The following C20orf203 variants were observed in gnomAD, a reference collection of about 807,000 sequenced individuals.
C20orf203 encodes the protein chromosome 20 open reading frame 203, also known as uncharacterized protein C20orf203.
Under a neutral mutation model 15.9 loss-of-function variants are expected in C20orf203, and 16 were observed. The observed-to-expected ratio is 1.01, with a 90% CI of 0.68 to 1.53. C20orf203 has a LOEUF of 1.53. Among genes scored for constraint, C20orf203 ranks in the 40% most tolerant of loss-of-function variants. The probability of loss-of-function intolerance (pLI) is 0.00; values close to 1 mark genes in which losing one functional copy is unlikely to be tolerated. For synonymous variants in C20orf203, 98 were observed against 97.2 expected, an observed-to-expected ratio of 1.01 and a Z score of -0.05; for missense variants, 263 against 247.5, an observed-to-expected ratio of 1.06 and a Z score of -0.42.
intron 4 of C20orf203, among the ~76,000 whole-genome samples, chr20:32,642,470 G>A (rs990549256): frequency 3.3e-4 from 50 of 152,254 alleles, no homozygotes; most frequent in African/African-American, 1.1e-3. Flanking sequence ...AGAAACTGCT[G>A]AGGCCCAGCT....
chr20:32,661,519 G>A (rs183531115), intron 1 of C20orf203, among the ~76,000 whole-genome samples: 114 of 152,238 alleles, frequency 7.5e-4, no homozygotes, highest in Non-Finnish European at 3.7e-4. Context: ...CCTGAACCCT[G>A]AACACAAGGC....
intron 1 of C20orf203, among the ~76,000 whole-genome samples, chr20:32,665,023 C>T (rs895603814): frequency 6.6e-6 from 1 of 152,262 alleles, no homozygotes; most frequent in Admixed American, 6.5e-5. Context: ...CCCAGGACCC[C>T]GCCCTTGGTG....
chr20:32,671,362 A>C (rs763647080), intron 1 of C20orf203, among the ~76,000 whole-genome samples: 24 of 152,230 alleles, frequency 1.6e-4, no homozygotes, highest in Non-Finnish European at 2.2e-4. Flanking sequence ...CAAAATAAAG[A>C]AAGCCTGTCA....
In C20orf203 at chr20:32,651,001, G is replaced by A. The variant is rs998832321; in HGVS notation, c.135+17C>T. On this transcript the variant is annotated intron_variant, in intron 3 of 5. Transcript: ENST00000608990. ...AGTGTCAGCCCAGGTGTGGGAGACA[G>A]GGACAGCACTTCTTACCCGGCTCAG... 15 of 1,468,840 alleles carry A rather than the reference G, an allele frequency of 1.0e-5. No homozygotes were observed. The highest frequency in any genetic ancestry group is 1.4e-5 in the Non-Finnish European group (15 of 1,105,210). 91.0% of individuals were successfully genotyped at this position (1,468,840 alleles called of 1,614,324 possible).
At chr20:32,666,555 A>T (rs1392640516) in intron 1 of C20orf203, among the ~76,000 whole-genome samples, 4 of 151,280 alleles carry the variant, frequency 2.6e-5, no homozygotes, top group Admixed American at 2.6e-4. Context: ...CTAGGTCAGG[A>T]GATCGAGACC....
intron 1 of C20orf203, among the ~76,000 whole-genome samples, chr20:32,663,480 A>G (rs1306265948): frequency 1.3e-5 from 2 of 152,222 alleles, no homozygotes; most frequent in Non-Finnish European, 2.9e-5. Context: ...ATGCACACAT[A>G]TATACATATA....
intron 1 of C20orf203, among the ~76,000 whole-genome samples, chr20:32,666,901 G>A (rs1173857380): frequency 3.5e-5 from 5 of 143,802 alleles, no homozygotes; most frequent in Middle Eastern, 4.0e-3. Context: ...CTCCCACCTC[G>A]GCCTCTCAAA....
At chr20:32,644,599 C>T (rs988036117) in intron 4 of C20orf203, among the ~76,000 whole-genome samples, 2 of 152,126 alleles carry the variant, frequency 1.3e-5, no homozygotes, top group African/African-American at 4.8e-5. Flanking sequence ...GGCCCTGTGA[C>T]CCTGAGCCTA....
rs1408029778 is a variant in C20orf203, at chr20:32,650,739, T to TAAGG, written c.274_277dup (p.Tyr93SerfsTer29). 10 of 1,540,716 alleles carry TAAGG rather than the reference T, an allele frequency of 6.5e-6. No individual in the cohort carries two copies. The highest frequency in any genetic ancestry group is 8.8e-6 in the Non-Finnish European group (10 of 1,141,680). On this transcript the variant is annotated frameshift_variant, in exon 4 of 6. Coordinates refer to ENST00000608990, the MANE Select transcript of C20orf203 (RefSeq NM_182584.4). LOFTEE classifies it high-confidence loss of function. ...CCCACCAACCCAAATCCTTTCCTGA[T>TAAGG]AAGGGCCTGGGTGTTGCGGAGGAGG...
chr20:32,671,840 C>CAA lies in C20orf203; in HGVS notation c.-264+1790_-264+1791dup, dbSNP rs869043468. Among the ~76,000 whole-genome samples, 605 of 66,152 alleles carry CAA rather than the reference C, an allele frequency of 9.1e-3. 1 individual carries two copies. Among genetic ancestry groups the CAA allele is most frequent in the Middle Eastern group, 0.016 (1 of 62 alleles). 43.4% of individuals were successfully genotyped at this position (66,152 alleles called of 152,430 possible). A position where few individuals can be genotyped will look rare whatever the true frequency, so the allele number is the denominator to read the frequency against. On this transcript the variant is annotated intron_variant, in intron 1 of 5. Transcript: ENST00000608990. ...GGCAACAAGAGTGAAACTCTGTCTC[C>CAA]AAAAAAAAAAAAAAAAAAAAAAAAT...
intron 1 of C20orf203, chr20:32,657,038 A>G (rs1158540311): frequency 1.3e-5 from 2 of 152,326 alleles, no homozygotes; most frequent in Non-Finnish European, 1.5e-5. Context: ...ATGCTGTAAC[A>G]TAGATAAACC....
chr20:32,660,480 G>C (rs938077166), intron 1 of C20orf203, among the ~76,000 whole-genome samples: 1 of 152,232 alleles, frequency 6.6e-6, no homozygotes, highest in Non-Finnish European at 1.5e-5. Context: ...GCCGAAAAGA[G>C]GGGCTGCTTC....
At chr20:32,642,965 C>T (rs1003488251) in intron 4 of C20orf203, among the ~76,000 whole-genome samples, 3 of 152,214 alleles carry the variant, frequency 2.0e-5, no homozygotes, top group South Asian at 2.1e-4. Flanking sequence ...GCCAGGCTGC[C>T]GGTGGGAGGC....
intron 5 of C20orf203, among the ~76,000 whole-genome samples, chr20:32,639,500 G>C (rs533400142): frequency 6.6e-6 from 1 of 152,114 alleles, no homozygotes; most frequent in Non-Finnish European, 1.5e-5. Context: ...ATTATGAGGA[G>C]CATGGTGGTG....
intron 1 of C20orf203, among the ~76,000 whole-genome samples, chr20:32,671,351 T>TTATTTAGTCGGC (rs1983160781): frequency 6.6e-6 from 1 of 152,118 alleles, no homozygotes; most frequent in Admixed American, 6.5e-5. Context: ...TATTTAGCCA[T>TTATTTAGTCGGC]CAAAATAAAG....
At chr20:32,664,025 G>A (rs1982960339) in intron 1 of C20orf203, among the ~76,000 whole-genome samples, 1 of 152,214 alleles carries the variant, frequency 6.6e-6, no homozygotes, top group South Asian at 2.1e-4. Flanking sequence ...GTTTGGGATG[G>A]CTGAGTGCAG....
chr20:32,665,629 G>A (rs1164583177), intron 1 of C20orf203, among the ~76,000 whole-genome samples: 1 of 152,154 alleles, frequency 6.6e-6, no homozygotes, highest in Non-Finnish European at 1.5e-5. Flanking sequence ...CCACAAGTGT[G>A]AGCCACACAG....
At chr20:32,661,375 G>A (rs1982887703) in intron 1 of C20orf203, among the ~76,000 whole-genome samples, 1 of 152,178 alleles carries the variant, frequency 6.6e-6, no homozygotes. Context: ...TTTATGAAAG[G>A]TCTAAGTAGG....
intron 4 of C20orf203, among the ~76,000 whole-genome samples, chr20:32,641,408 T>TA (rs1982277775): frequency 6.6e-6 from 1 of 152,090 alleles, no homozygotes; most frequent in South Asian, 2.1e-4. Context: ...TTTTGGCTGT[T>TA]AGGAATAACG....
Sources: allele counts gnomAD v4.1 joint callset (sites outside exome capture counted in the v4.1 genomes callset), GRCh38; gene constraint gnomAD v4.1.1; transcripts MANE v1.5; gene names NCBI Gene and HGNC (gene_info 2026-07-23, HGNC 2026-07-21).